Variants in CAST observed in about 807,000 individuals in gnomAD.
CAST encodes the protein MIR583 host.
Under a neutral mutation model 119.6 loss-of-function variants are expected in CAST, and 76 were observed. The ratio of observed to expected loss-of-function variants is 0.64; its 90% CI spans 0.53 to 0.77. CAST has a LOEUF of 0.77. Among genes scored for constraint, CAST ranks in the 30% least tolerant of loss-of-function variants. CAST has a pLI of 0.00. For missense variants in CAST, 953 were observed against 946.5 expected (o/e 1.01, Z -0.09); for synonymous variants, 319 against 331.6 (o/e 0.96, Z 0.41).
chr5:96,227,747 T>C, the CAST span, among the ~76,000 whole-genome samples: 4 of 152,284 alleles, frequency 2.6e-5, no homozygotes, highest in African/African-American at 9.6e-5. Context: ...ATCTTAGATA[T>C]CAGTTTACCC....
At chr5:96,127,356 T>G in the CAST span, among the ~76,000 whole-genome samples, 11 of 152,200 alleles carry the variant, frequency 7.2e-5, no homozygotes, top group Admixed American at 6.5e-4. Flanking sequence ...ATTTTAAAAA[T>G]CTACCTGATA....
chr5:96,548,968 C>T (rs1746070160), intron 1 of CAST, among the ~76,000 whole-genome samples: 1 of 152,174 alleles, frequency 6.6e-6, no homozygotes, highest in South Asian at 2.1e-4. Flanking sequence ...GTGAGCATCA[C>T]TGGGTGACCC....
intron 1 of CAST, among the ~76,000 whole-genome samples, chr5:96,604,333 A>G (rs975349099): frequency 1.3e-5 from 2 of 152,242 alleles, no homozygotes; most frequent in African/African-American, 4.8e-5. Flanking sequence ...CATGTCTGGA[A>G]TAAGGTGATG....
At chr5:96,487,489 T>C in the CAST span, among the ~76,000 whole-genome samples, 1 of 152,214 alleles carries the variant, frequency 6.6e-6, no homozygotes, top group South Asian at 2.1e-4. Context: ...CATCTGATGT[T>C]TAGACATTGG....
At chr5:96,247,026 T>C in the CAST span, among the ~76,000 whole-genome samples, 1,407 of 152,316 alleles carry the variant, frequency 9.2e-3, 26 homozygotes, top group African/African-American at 0.033. Context: ...CTACAATATA[T>C]CAAGAAAGTC....
chr5:96,648,845 C>CT (rs1227926561), intron 1 of CAST, among the ~76,000 whole-genome samples: 2 of 151,984 alleles, frequency 1.3e-5, no homozygotes, highest in African/African-American at 4.8e-5. Context: ...TCTGAGACGC[C>CT]TACTCAGTAA....
the CAST span, among the ~76,000 whole-genome samples, chr5:96,419,360 A>G: frequency 6.8e-6 from 1 of 146,522 alleles, no homozygotes; most frequent in African/African-American, 2.5e-5. Context: ...TCAATGAAGT[A>G]TTATATATGT....
chr5:96,662,609 G>GC, intron 1 of CAST, 112 bp downstream of exon 1: 2 of 1,250,720 alleles, frequency 1.6e-6, no homozygotes, highest in African/African-American at 1.6e-5. Flanking sequence ...AGTCCCCGGC[G>GC]CCCCCGCGGG....
chr5:96,280,554 G>A, the CAST span, among the ~76,000 whole-genome samples: 2 of 152,202 alleles, frequency 1.3e-5, no homozygotes, highest in African/African-American at 2.4e-5. Context: ...TTTGGCCCCT[G>A]CTCTGACACC....
chr5:96,204,115 C>T, the CAST span, among the ~76,000 whole-genome samples: 1 of 151,800 alleles, frequency 6.6e-6, no homozygotes, highest in African/African-American at 2.4e-5. Flanking sequence ...CCCAAATGTC[C>T]CAGTCTCAAC....
intron 22 of CAST, 185 bp downstream of exon 22, chr5:96,754,926 G>A (rs1765946526): frequency 7.1e-6 from 3 of 423,804 alleles, no homozygotes. Context: ...ATATTCCTAA[G>A]TAGACTTGAT....
the CAST span, among the ~76,000 whole-genome samples, chr5:96,277,306 A>G: frequency 3.3e-5 from 5 of 152,016 alleles, no homozygotes; most frequent in African/African-American, 7.3e-5. Context: ...TCCACAAGCA[A>G]TGTCTAAATT....
chr5:96,481,623 CT>C, the CAST span, among the ~76,000 whole-genome samples: 1 of 152,182 alleles, frequency 6.6e-6, no homozygotes, highest in Non-Finnish European at 1.5e-5. Context: ...AGCAAAGCAT[CT>C]TTTCTCATGA....
At chr5:96,513,309 G>A in the CAST span, among the ~76,000 whole-genome samples, 1 of 152,182 alleles carries the variant, frequency 6.6e-6, no homozygotes, top group Non-Finnish European at 1.5e-5. Flanking sequence ...ATCTGTCCTT[G>A]GAGAGTTTAT....
At chr5:96,123,985 A>T in the CAST span, among the ~76,000 whole-genome samples, 1 of 152,004 alleles carries the variant, frequency 6.6e-6, no homozygotes, top group African/African-American at 2.4e-5. Flanking sequence ...TCCATACACA[A>T]TTTTTGCAGT....
At chr5:96,057,549 C>T in the CAST span, among the ~76,000 whole-genome samples, 1 of 152,096 alleles carries the variant, frequency 6.6e-6, no homozygotes, top group Non-Finnish European at 1.5e-5. Flanking sequence ...GATTGATCTT[C>T]TTAGGACTCA....
the CAST span, among the ~76,000 whole-genome samples, chr5:96,403,454 CAG>C: frequency 1.3e-5 from 2 of 152,100 alleles, no homozygotes; most frequent in Non-Finnish European, 2.9e-5. Context: ...ATTTTTCTAA[CAG>C]AGTTATTGTT....
the CAST span, among the ~76,000 whole-genome samples, chr5:96,238,352 C>CTTCTTCTTCTTCTTCTTCTT: frequency 1.2e-5 from 1 of 84,150 alleles, no homozygotes; most frequent in East Asian, 3.4e-4. Context: ...TCTTCATCTT[C>CTTCTTCTTCTTCTTCTTCTT]ATCTTCTTCT....
the CAST span, among the ~76,000 whole-genome samples, chr5:96,477,399 G>A: frequency 6.6e-6 from 1 of 152,132 alleles, no homozygotes; most frequent in Non-Finnish European, 1.5e-5. Flanking sequence ...TCCTAACTGA[G>A]CCATCAACTT....
Sources: allele counts gnomAD v4.1 joint callset (sites outside exome capture counted in the v4.1 genomes callset), GRCh38; gene constraint gnomAD v4.1.1; transcripts MANE v1.5; gene names NCBI Gene and HGNC (gene_info 2026-07-23, HGNC 2026-07-21).